The following STRIP2 variants were observed in gnomAD, a reference collection of about 807,000 sequenced individuals.
STRIP2 encodes striatin interacting protein 2.
STRIP2 carries 84 observed loss-of-function variants against 107.1 expected under a neutral mutation model. The observed-to-expected ratio is 0.78, with a 90% CI of 0.66 to 0.94. The LOEUF (loss-of-function observed/expected upper bound fraction) is 0.94, where lower values mean the gene tolerates loss of function less well. Among genes scored for constraint, STRIP2 ranks in the 40% least tolerant of loss-of-function variants. The pLI is 0.00. For missense variants in STRIP2, 888 were observed against 1,034.2 expected, an observed-to-expected ratio of 0.86 and a Z score of 1.94; for synonymous variants, 394 against 400.4, an observed-to-expected ratio of 0.98 and a Z score of 0.19.
chr7:129,476,340 C>G (rs184988236), intron 18 of STRIP2, among the ~76,000 whole-genome samples: 3 of 132,146 alleles, frequency 2.3e-5, no homozygotes, highest in Non-Finnish European at 4.9e-5. Flanking sequence ...ACTTCTCAGA[C>G]GGGGCGGCTG....
chr7:129,454,015 G>A lies in STRIP2; in HGVS notation c.531-127G>A, dbSNP rs1047871090. 9 of 789,516 alleles carry A rather than the reference G, an allele frequency of 1.1e-5. No individual in the cohort carries two copies. In the African/African-American group the frequency reaches 1.2e-4, roughly 11 times the overall value. The allele number at this position is 789,516 out of a possible 1,614,324, so 48.9% of individuals were successfully genotyped here. A position where few individuals can be genotyped will look rare whatever the true frequency, so the allele number is the denominator to read the frequency against. On this transcript the variant is annotated intron_variant, in intron 5 of 20. Coordinates refer to ENST00000249344, the MANE Select transcript of STRIP2 (RefSeq NM_020704.3). ...GAATTCTGTCAGCTCCTTTACTCTA[G>A]ACCAGTTTCATTAGTGGCTGCCTAG... is the stretch of plus-strand genomic sequence containing the variant.
chr7:129,476,936 A>G (rs11975591), intron 18 of STRIP2, among the ~76,000 whole-genome samples: 128,418 of 150,670 alleles, frequency 0.85, 55,542 homozygotes, highest in East Asian at 0.96. Context: ...ACCTCGGGAG[A>G]CCGAGGCTGG....
intron 5 of STRIP2, 115 bp from the exon 6 acceptor site, chr7:129,454,027 T>C: frequency 1.1e-6 from 1 of 893,270 alleles, no homozygotes; most frequent in Non-Finnish European, 1.7e-6. Flanking sequence ...CCAGTTTCAT[T>C]AGTGGCTGCC....
At position 129,485,760 on chromosome 7, in the gene STRIP2, T is replaced by C. The variant is rs764656851; in HGVS notation, c.2436T>C (p.Tyr812=). The C allele has an allele frequency of 1.3e-5, 21 of 1,614,066 alleles. No homozygotes were observed. Among genetic ancestry groups the C allele is most frequent in the Admixed American group, 5.0e-5 (3 of 60,006 alleles). Residue 812 remains tyrosine, a synonymous_variant, in exon 21 of 21, where the codon TAT becomes TAC. Transcript: ENST00000249344. Reference sequence around the variant, plus strand: ...TGCCTGAAGATTTCCACTATTCATATGAGCTCTGGCTCGAGAGAGAGGTGT... The same window carrying C: ...TGCCTGAAGATTTCCACTATTCATACGAGCTCTGGCTCGAGAGAGAGGTGT... ...LDLPEDFHYS[Y]ELWLEREVFS...
In STRIP2 at chr7:129,482,763, A is replaced by T; in HGVS notation, c.2050-79A>T. The stretch of plus-strand genomic sequence containing the variant: ...TCCCCAGGAATTTCTGAGGCTAGCT[A>T]GGTTTGGTTTAATTTGTCTGTAAAC... On this transcript the variant is annotated intron_variant, in intron 19 of 20. Coordinates refer to ENST00000249344, the MANE Select transcript of STRIP2 (RefSeq NM_020704.3). The T allele has an allele frequency of 3.9e-6, 6 of 1,531,740 alleles. No homozygotes were observed. The Admixed American group carries it at 7.0e-5, about 18-fold the overall frequency. 94.9% of individuals were successfully genotyped at this position (1,531,740 alleles called of 1,614,324 possible).
chr7:129,455,263 G>A lies in STRIP2; in HGVS notation c.726G>A (p.Glu242=), dbSNP rs1160765397. The A allele has an allele frequency of 6.2e-7, 1 of 1,613,434 alleles. No homozygotes were observed. The highest frequency in any genetic ancestry group is 8.5e-7 in the Non-Finnish European group (1 of 1,179,696). ...CCCTAGGCTTCTCCATGCATAATGAGGAGCCTTTTGCCCTTTTACTCTTCT... is the reference window on the plus strand; with the variant it reads ...CCCTAGGCTTCTCCATGCATAATGAAGAGCCTTTTGCCCTTTTACTCTTCT... The part of the protein sequence containing the change: ...RTELSFSMHN[E]EPFALLLFSM... The change falls in exon 8 of 21, where the codon GAG becomes GAA. Residue 242 remains glutamate (E), a synonymous_variant. Coordinates refer to ENST00000249344, the MANE Select transcript of STRIP2 (RefSeq NM_020704.3).
At chr7:129,441,968 T>C (rs1797910811) in intron 2 of STRIP2, among the ~76,000 whole-genome samples, 1 of 152,184 alleles carries the variant, frequency 6.6e-6, no homozygotes, top group Non-Finnish European at 1.5e-5. Flanking sequence ...AGCTCACATC[T>C]TGTAATCCCA....
rs570462787 is a variant in STRIP2 at position 129,452,270 on chromosome 7, C to T, written c.409+523C>T. Among the ~76,000 whole-genome samples the T allele has an allele frequency of 3.0e-3, 454 of 152,118 alleles. 3 individuals carry two copies. Among genetic ancestry groups the T allele is most frequent in the Non-Finnish European group, 4.5e-3 (306 of 67,986 alleles). On this transcript the variant is annotated intron_variant, in intron 4 of 20. Transcript: ENST00000249344. ...AATAGAGTAATTGGGGAAAGCTGCT[C>T]AGAAGAAACCTGTTAGCCAGGTGTT... is the stretch of plus-strand genomic sequence containing the variant.
chr7:129,480,585 G>T (rs950022575), intron 18 of STRIP2, among the ~76,000 whole-genome samples, 200 bp from the exon 19 acceptor site: 3 of 152,220 alleles, frequency 2.0e-5, no homozygotes, highest in East Asian at 1.9e-4. Context: ...GCTGTAGGTA[G>T]AGTCTTCCAG....
chr7:129,461,788 G>A lies in STRIP2; in HGVS notation c.1477-1178G>A, dbSNP rs950346562. 1.2e-4 allele frequency among the ~76,000 whole-genome samples: 18 copies of A among 152,174 alleles called. No individual in the cohort carries two copies. The highest frequency in any genetic ancestry group is 4.3e-4 in the African/African-American group (18 of 41,444). Reference sequence around the variant, plus strand: ...AGTTTTGTGAAGAGGAGAGAAAGTGGATGGTAGCTGAAGGAAAATGTGAGG... The same window carrying A: ...AGTTTTGTGAAGAGGAGAGAAAGTGAATGGTAGCTGAAGGAAAATGTGAGG... On this transcript the variant is annotated intron_variant, in intron 13 of 20. Coordinates refer to ENST00000249344, the MANE Select transcript of STRIP2 (RefSeq NM_020704.3). The surrounding 1 kb of genome is among the most constrained non-coding windows in gnomAD (Gnocchi z 4.0).
intron 18 of STRIP2, among the ~76,000 whole-genome samples, 171 bp from the exon 19 acceptor site, chr7:129,480,614 T>G (rs1475967989): frequency 2.0e-5 from 3 of 151,382 alleles, no homozygotes; most frequent in Non-Finnish European, 4.4e-5. Flanking sequence ...GCTGAGGGGG[T>G]TTTTAAACCA....
chr7:129,467,808 G>A (rs947382274), intron 17 of STRIP2, among the ~76,000 whole-genome samples: 17 of 151,860 alleles, frequency 1.1e-4, no homozygotes, highest in African/African-American at 4.1e-4. Flanking sequence ...TGGAGCAATT[G>A]GAACAGTTAT....
chr7:129,470,714 T>A lies in STRIP2; in HGVS notation c.1943T>A (p.Leu648Gln), dbSNP rs996274795. 1 of 1,613,640 alleles carries A rather than the reference T, an allele frequency of 6.2e-7. No homozygotes were observed. Among genetic ancestry groups the A allele is most frequent in the African/African-American group, 1.3e-5 (1 of 74,946 alleles). ...QDLPELTTES[L>Q]EAGDNSQFCW... ...TTGCCGGAGCTTACTACTGAAAGTC[T>A]GGTAAGCAGATGGGGATTTGGTAGC... Residue 648 changes from leucine (L) to glutamine (Q), a missense_variant and splice_region_variant, in exon 18 of 21, where the codon CTG (leucine) becomes CAG (glutamine). Coordinates refer to ENST00000249344, the MANE Select transcript of STRIP2 (RefSeq NM_020704.3).
chr7:129,474,438 A>T (rs961122743), intron 18 of STRIP2, among the ~76,000 whole-genome samples: 2 of 152,164 alleles, frequency 1.3e-5, no homozygotes, highest in Non-Finnish European at 2.9e-5. Context: ...AAGTGCTGGG[A>T]TTACAGGTGT....
At chr7:129,442,860 G>A (rs1262531102) in intron 2 of STRIP2, among the ~76,000 whole-genome samples, 1 of 152,130 alleles carries the variant, frequency 6.6e-6, no homozygotes, top group Non-Finnish European at 1.5e-5. Context: ...CTGTGACCTG[G>A]TTAAATTTCC....
At chr7:129,463,297 A>C (rs780416800) in intron 14 of STRIP2, among the ~76,000 whole-genome samples, 1 of 152,134 alleles carries the variant, frequency 6.6e-6, no homozygotes, top group Non-Finnish European at 1.5e-5. Context: ...CCCTCCTCCG[A>C]GATAAGTACT....
rs200680852 is a variant in STRIP2, at chr7:129,434,594, A to C, written c.122A>C (p.Glu41Ala). ...GREAFRSQRR[E>A]SEGSVDCPTL... ...GAAGCGTTCCGAAGCCAGCGGCGGGAGTCAGAGGTGAGGAGCCCGGAAAGC... is the reference window on the plus strand; with the variant it reads ...GAAGCGTTCCGAAGCCAGCGGCGGGCGTCAGAGGTGAGGAGCCCGGAAAGC... Residue 41 changes from glutamate to alanine, a missense_variant, in exon 1 of 21, where the codon GAG (glutamate) becomes GCG (alanine). By Grantham distance (107) the Glu-to-Ala change is moderately radical. Transcript: ENST00000249344. 1.3e-6 allele frequency: 2 copies of C among 1,505,874 alleles called. No homozygotes were observed. The allele number at this position is 1,505,874 out of a possible 1,614,324, so 93.3% of individuals were successfully genotyped here.
intron 20 of STRIP2, 107 bp from the exon 21 acceptor site, chr7:129,485,472 A>AAAT: frequency 3.2e-6 from 4 of 1,255,196 alleles, no homozygotes; most frequent in African/African-American, 1.5e-5. Context: ...AAAAAAAAAA[A>AAAT]GAATTTCTGA....
In STRIP2 at chr7:129,472,775, CCTTTTTTTTT is replaced by C. The variant is rs1213293064; in HGVS notation, c.1944+2061_1944+2070del. Reference sequence around the variant, plus strand: ...AATATATAGAATTTTCTTTTCTTTTCCTTTTTTTTTTTTTTTTTTTTTTTTTTTTGAGACA... The same window carrying C: ...AATATATAGAATTTTCTTTTCTTTTCTTTTTTTTTTTTTTTTTTTGAGACA... On this transcript the variant is annotated intron_variant, in intron 18 of 20. Coordinates refer to ENST00000249344, the MANE Select transcript of STRIP2 (RefSeq NM_020704.3). Among the ~76,000 whole-genome samples the C allele has an allele frequency of 3.2e-4, 22 of 68,890 alleles. 1 individual carries two copies. The highest frequency in any genetic ancestry group is 1.2e-3 in the Admixed American group (5 of 4,318). 45.2% of individuals were successfully genotyped at this position (68,890 alleles called of 152,430 possible).
Sources: allele counts gnomAD v4.1 joint callset (sites outside exome capture counted in the v4.1 genomes callset), GRCh38; gene constraint gnomAD v4.1.1; non-coding constraint Gnocchi (gnomAD v3.1); transcripts MANE v1.5; gene names NCBI Gene and HGNC (gene_info 2026-07-23, HGNC 2026-07-21).